TBX15: variants seen among roughly 807,000 people sequenced by gnomAD.
TBX15 encodes T-box transcription factor TBX15.
In TBX15, 18 loss-of-function variants were observed where a neutral mutation model predicts 53.9. The observed-to-expected ratio is 0.33, with a 90% CI of 0.23 to 0.49. The LOEUF (loss-of-function observed/expected upper bound fraction) is 0.49, where lower values mean the gene tolerates loss of function less well. TBX15 is among the 20% of genes least tolerant of loss of function. TBX15 has a pLI of 0.98. For missense variants in TBX15, 692 were observed against 749.5 expected, an observed-to-expected ratio of 0.92 and a Z score of 0.90; for synonymous variants, 295 against 278.0, an observed-to-expected ratio of 1.06 and a Z score of -0.61.
At chr1:118,974,964 C>T (rs1196104024) in intron 1 of TBX15, among the ~76,000 whole-genome samples, 1 of 152,170 alleles carries the variant, frequency 6.6e-6, no homozygotes, top group Non-Finnish European at 1.5e-5. Flanking sequence ...CTTAGAAATG[C>T]ACGAATTGCC....
At chr1:118,976,373 C>T (rs573318437) in intron 1 of TBX15, among the ~76,000 whole-genome samples, 15 of 152,318 alleles carry the variant, frequency 9.8e-5, no homozygotes, top group African/African-American at 3.1e-4. Context: ...CTAACTGGGG[C>T]AACTGGCTGA....
In TBX15 at chr1:118,916,347, G is replaced by A. The variant is rs182992188; in HGVS notation, c.862-2168C>T. Among the ~76,000 whole-genome samples, 8 of 152,288 alleles carry A rather than the reference G, an allele frequency of 5.3e-5. No individual in the cohort carries two copies. The East Asian group carries it at 1.5e-3, about 29-fold the overall frequency. The stretch of plus-strand genomic sequence containing the variant: ...ATGTGAGCTAGGCCTTGAAAGATGT[G>A]TAGGATTTTAATGAAAACACAAGAG... On this transcript the variant is annotated intron_variant, in intron 5 of 7. Coordinates refer to ENST00000369429, the MANE Select transcript of TBX15 (RefSeq NM_001330677.2).
intron 1 of TBX15, among the ~76,000 whole-genome samples, chr1:118,978,442 A>C (rs1165013737): frequency 1.3e-5 from 2 of 152,332 alleles, no homozygotes; most frequent in African/African-American, 4.8e-5. Flanking sequence ...AAGTCATTTG[A>C]GCCTTGTCTC....
Position 118,987,971 on chromosome 1 carries a change from C to G in TBX15, c.-176G>C. The G allele has an allele frequency of 3.8e-6, 3 of 780,396 alleles. No individual in the cohort carries two copies. The highest frequency in any genetic ancestry group is 6.0e-6 in the Non-Finnish European group (3 of 501,090). The allele number at this position is 780,396 out of a possible 1,614,324, so 48.3% of individuals were successfully genotyped here. A position where few individuals can be genotyped will look rare whatever the true frequency, so the allele number is the denominator to read the frequency against. The stretch of plus-strand genomic sequence containing the variant: ...TCCCCCTGCGTCCTCCTCCGCCCTC[C>G]TCTGCCGGATCCGACCTGCGCCCCT... On this transcript the variant is annotated 5_prime_UTR_variant, in exon 1 of 8. Coordinates refer to ENST00000369429, the MANE Select transcript of TBX15 (RefSeq NM_001330677.2).
chr1:118,895,931 T>G (rs1654409214), intron 7 of TBX15, among the ~76,000 whole-genome samples: 1 of 152,220 alleles, frequency 6.6e-6, no homozygotes, highest in South Asian at 2.1e-4. Context: ...TCTGCGTTGG[T>G]ACTCTGAACT....
chr1:118,909,826 C>A (rs941401150), intron 6 of TBX15, among the ~76,000 whole-genome samples: 1 of 152,188 alleles, frequency 6.6e-6, no homozygotes, highest in Admixed American at 6.5e-5. Flanking sequence ...CGTGATCCAC[C>A]CACCTCGGCC....
intron 6 of TBX15, among the ~76,000 whole-genome samples, chr1:118,905,780 T>C (rs1454598808): frequency 1.3e-5 from 2 of 152,112 alleles, no homozygotes; most frequent in East Asian, 3.9e-4. Flanking sequence ...CAAATGAAAA[T>C]ATAGAAATTG....
intron 1 of TBX15, among the ~76,000 whole-genome samples, chr1:118,955,726 C>T (rs1656667830): frequency 1.3e-5 from 2 of 152,114 alleles, no homozygotes; most frequent in South Asian, 4.1e-4. Flanking sequence ...TGTTTCAATT[C>T]CCTGACCCTA....
intron 1 of TBX15, among the ~76,000 whole-genome samples, chr1:118,965,945 G>C (rs536497137): frequency 6.6e-6 from 1 of 152,284 alleles, no homozygotes; most frequent in South Asian, 2.1e-4. Context: ...TGATGCAAAA[G>C]GAAACTGGTA....
At chr1:118,970,542 C>A (rs967013452) in intron 1 of TBX15, among the ~76,000 whole-genome samples, 1 of 152,188 alleles carries the variant, frequency 6.6e-6, no homozygotes, top group Non-Finnish European at 1.5e-5. Context: ...AGCAGGAAGG[C>A]AGGTCATAAG....
At chr1:118,971,887 G>C (rs1657245235) in intron 1 of TBX15, among the ~76,000 whole-genome samples, 1 of 152,232 alleles carries the variant, frequency 6.6e-6, no homozygotes, top group South Asian at 2.1e-4. Flanking sequence ...GTTAAAACCA[G>C]ATTACTGTCC....
At chr1:118,923,676 T>G in intron 4 of TBX15, 73 bp from the exon 5 acceptor site, 1 of 1,572,962 alleles carries the variant, frequency 6.4e-7, no homozygotes, top group Non-Finnish European at 8.7e-7. Flanking sequence ...CAAAAATAAA[T>G]CACTAAGTTG....
intron 1 of TBX15, among the ~76,000 whole-genome samples, chr1:118,942,361 C>T (rs1409295125): frequency 1.3e-5 from 2 of 152,116 alleles, no homozygotes; most frequent in African/African-American, 2.4e-5. Flanking sequence ...AAAATGTTTT[C>T]GTTGAATGAA....
At chr1:118,921,832 T>C (rs1655434179) in intron 5 of TBX15, among the ~76,000 whole-genome samples, 1 of 152,168 alleles carries the variant, frequency 6.6e-6, no homozygotes, top group African/African-American at 2.4e-5. Context: ...TAAAAAGAAA[T>C]AAATGAAGTA....
At chr1:118,979,535 T>C (rs780227115) in intron 1 of TBX15, among the ~76,000 whole-genome samples, 1 of 152,238 alleles carries the variant, frequency 6.6e-6, no homozygotes, top group Non-Finnish European at 1.5e-5. Context: ...TTCTGCCTGA[T>C]GAAAGCAAAA....
intron 6 of TBX15, among the ~76,000 whole-genome samples, chr1:118,908,376 C>T (rs1654909286): frequency 1.1e-5 from 1 of 92,080 alleles, no homozygotes; most frequent in Non-Finnish European, 2.4e-5. Context: ...GAGCACAAGA[C>T]CAAAAAAAAA....
Position 118,884,373 on chromosome 1 carries a change from TGTGG to T in TBX15, c.*355_*358del. ...GTATGTATAGGTAGGTCTGTCTGTATGTGGGTGTGTATGTGTAACTTTTCATGGC... is the reference window on the plus strand; with the variant it reads ...GTATGTATAGGTAGGTCTGTCTGTATGTGTGTATGTGTAACTTTTCATGGC... On this transcript the variant is annotated 3_prime_UTR_variant, in exon 8 of 8. Coordinates refer to ENST00000369429, the MANE Select transcript of TBX15 (RefSeq NM_001330677.2). 1 of 342,248 alleles carries T rather than the reference TGTGG, an allele frequency of 2.9e-6. No homozygotes were observed. The highest frequency in any genetic ancestry group is 7.0e-5 in the East Asian group (1 of 14,364). The allele number at this position is 342,248 out of a possible 1,614,324, so 21.2% of individuals were successfully genotyped here. A position where few individuals can be genotyped will look rare whatever the true frequency, so the allele number is the denominator to read the frequency against.
chr1:118,896,620 C>T (rs1217659225), intron 7 of TBX15, among the ~76,000 whole-genome samples: 2 of 152,158 alleles, frequency 1.3e-5, no homozygotes, highest in Non-Finnish European at 2.9e-5. Flanking sequence ...TTGGTGCAAA[C>T]ACTGCCAATA....
rs994644557 is a variant in TBX15, at chr1:118,974,776, A to C, written c.205+12815T>G. On this transcript the variant is annotated intron_variant, in intron 1 of 7. Coordinates refer to ENST00000369429, the MANE Select transcript of TBX15 (RefSeq NM_001330677.2). ...AATCAGAGCAGTCACTCAGAGGTTAAAGTTAAAACCTCTACCCTAACAGCG... is the reference window on the plus strand; with the variant it reads ...AATCAGAGCAGTCACTCAGAGGTTACAGTTAAAACCTCTACCCTAACAGCG... 5.9e-5 allele frequency among the ~76,000 whole-genome samples: 9 copies of C among 152,212 alleles called. 1 individual carries two copies. Among genetic ancestry groups the C allele is most frequent in the Admixed American group, 5.2e-4 (8 of 15,284 alleles).
Sources: allele counts gnomAD v4.1 joint callset (sites outside exome capture counted in the v4.1 genomes callset), GRCh38; gene constraint gnomAD v4.1.1; transcripts MANE v1.5; gene names NCBI Gene and HGNC (gene_info 2026-07-23, HGNC 2026-07-21).